Variants in SYT2 observed in about 807,000 individuals in gnomAD.
The protein encoded by SYT2 is synaptotagmin 2.
A neutral mutation model predicts 39.9 loss-of-function variants in SYT2; 15 were observed. The ratio of observed to expected loss-of-function variants is 0.38; its 90% CI spans 0.25 to 0.58. SYT2 has a LOEUF of 0.58. Ranked by LOEUF, SYT2 falls within the 20% of genes least tolerant of loss-of-function variation. The pLI, the probability that SYT2 is intolerant of heterozygous loss-of-function variation, is 0.70. For missense variants in SYT2, 389 were observed against 530.3 expected (o/e 0.73, Z 2.62); for synonymous variants, 181 against 204.5 (o/e 0.89, Z 0.98).
chr1:202,690,940 C>G (rs1290424755), intron 1 of SYT2, among the ~76,000 whole-genome samples: 3 of 152,144 alleles, frequency 2.0e-5, no homozygotes, highest in Admixed American at 6.5e-5. Context: ...CAATGCTTTT[C>G]AGGTCCAGAC....
intron 1 of SYT2, among the ~76,000 whole-genome samples, chr1:202,657,930 G>T (rs1042977548): frequency 3.3e-5 from 5 of 152,108 alleles, no homozygotes; most frequent in African/African-American, 9.7e-5. Context: ...TACTCAATCA[G>T]CAGGAAGTCA....
intron 1 of SYT2, among the ~76,000 whole-genome samples, chr1:202,667,751 C>T (rs904696419): frequency 1.7e-4 from 26 of 151,824 alleles, no homozygotes; most frequent in Non-Finnish European, 2.5e-4. Context: ...CTTGCTCTGT[C>T]GAGCAGGCTG....
chr1:202,606,250 T>C (rs184957591), intron 1 of SYT2, among the ~76,000 whole-genome samples: 1 of 152,304 alleles, frequency 6.6e-6, no homozygotes. Context: ...AGATAGTTTT[T>C]CCAAGGTCAC....
At chr1:202,616,580 A>G (rs933425393) in intron 1 of SYT2, among the ~76,000 whole-genome samples, 2 of 152,082 alleles carry the variant, frequency 1.3e-5, no homozygotes, top group Non-Finnish European at 2.9e-5. Context: ...CAGCCCCTCC[A>G]TTGTGGCTTC....
intron 1 of SYT2, among the ~76,000 whole-genome samples, chr1:202,705,070 T>C (rs1572689889): frequency 6.6e-6 from 1 of 152,358 alleles, no homozygotes; most frequent in South Asian, 2.1e-4. Context: ...ACCTGTATTC[T>C]CGGGCTCCAT....
At chr1:202,659,476 C>T (rs527872183) in intron 1 of SYT2, among the ~76,000 whole-genome samples, 5 of 152,194 alleles carry the variant, frequency 3.3e-5, no homozygotes, top group Admixed American at 6.5e-5. Flanking sequence ...AGAAAGAGAG[C>T]GGCAAAAAGA....
intron 1 of SYT2, among the ~76,000 whole-genome samples, chr1:202,658,624 C>T (rs528878869): frequency 3.3e-5 from 5 of 151,804 alleles, no homozygotes; most frequent in Admixed American, 2.0e-4. Flanking sequence ...GCTGAGCAGC[C>T]TGCACCAATC....
chr1:202,608,433 C>T (rs773701915), intron 1 of SYT2, among the ~76,000 whole-genome samples: 8 of 152,098 alleles, frequency 5.3e-5, no homozygotes, highest in Non-Finnish European at 7.4e-5. Flanking sequence ...CATGCCATCA[C>T]ACCAAGCTAA....
intron 1 of SYT2, among the ~76,000 whole-genome samples, chr1:202,661,835 A>C (rs1692388663): frequency 6.6e-6 from 1 of 152,192 alleles, no homozygotes; most frequent in South Asian, 2.1e-4. Flanking sequence ...AATTTGCTCA[A>C]AGTTGGTCAC....
rs928697133 is a variant in SYT2 at position 202,596,209 on chromosome 1, G to C, written c.*548C>G. 4 of 152,166 alleles carry C rather than the reference G, an allele frequency of 2.6e-5. No individual in the cohort carries two copies. The highest frequency in any genetic ancestry group is 9.7e-5 in the African/African-American group (4 of 41,120). 9.4% of individuals were successfully genotyped at this position (152,166 alleles called of 1,614,324 possible). A position where few individuals can be genotyped will look rare whatever the true frequency, so the allele number is the denominator to read the frequency against. ...CCATGGCTCATTCCAGGAATGAAGA[G>C]AGATGCTCAAAGAGACACACACACA... On this transcript the variant is annotated 3_prime_UTR_variant, in exon 9 of 9. Coordinates refer to ENST00000367268, the MANE Select transcript of SYT2 (RefSeq NM_177402.5).
intron 1 of SYT2, among the ~76,000 whole-genome samples, chr1:202,702,981 C>T (rs982329133): frequency 3.3e-5 from 5 of 152,152 alleles, no homozygotes; most frequent in Non-Finnish European, 7.3e-5. Flanking sequence ...GAGAAGGCCC[C>T]GCTCCAGAAA....
chr1:202,664,807 C>A (rs981799908), intron 1 of SYT2, among the ~76,000 whole-genome samples: 2 of 152,100 alleles, frequency 1.3e-5, no homozygotes, highest in Non-Finnish European at 2.9e-5. Context: ...TTACAGGTGC[C>A]CACCACCATG....
At chr1:202,620,795 G>A (rs1451263015) in intron 1 of SYT2, among the ~76,000 whole-genome samples, 1 of 152,162 alleles carries the variant, frequency 6.6e-6, no homozygotes, top group East Asian at 1.9e-4. Flanking sequence ...AAGGTGGGGT[G>A]AGACGACCTC....
chr1:202,605,140 T>C (rs1440822157), intron 2 of SYT2: 1 of 166,854 alleles, frequency 6.0e-6, no homozygotes, highest in Non-Finnish European at 1.3e-5. Context: ...CTCTCTGTGG[T>C]TCTGAAGCAC....
At chr1:202,691,741 GA>G (rs1653838478) in intron 1 of SYT2, among the ~76,000 whole-genome samples, 2 of 77,730 alleles carry the variant, frequency 2.6e-5, no homozygotes, top group African/African-American at 1.1e-4. Flanking sequence ...GGGAGAGAGA[GA>G]GAGAGAGAGA....
At chr1:202,612,436 T>C (rs1690906450) in intron 1 of SYT2, among the ~76,000 whole-genome samples, 1 of 152,192 alleles carries the variant, frequency 6.6e-6, no homozygotes, top group African/African-American at 2.4e-5. Context: ...GGTGTGAACA[T>C]GGCTCACTGC....
chr1:202,653,266 C>A (rs920781700), intron 1 of SYT2, among the ~76,000 whole-genome samples: 3 of 152,134 alleles, frequency 2.0e-5, no homozygotes, highest in Non-Finnish European at 4.4e-5. Context: ...CATATCCCTG[C>A]ATAGATTCAT....
At chr1:202,690,488 G>A (rs935690787) in intron 1 of SYT2, among the ~76,000 whole-genome samples, 25 of 152,110 alleles carry the variant, frequency 1.6e-4, no homozygotes, top group African/African-American at 5.8e-4. Flanking sequence ...ACAGATACAT[G>A]GATTCTCAGA....
intron 1 of SYT2, among the ~76,000 whole-genome samples, chr1:202,660,666 A>G (rs1404143001): frequency 6.6e-6 from 1 of 152,204 alleles, no homozygotes; most frequent in Non-Finnish European, 1.5e-5. Context: ...ATATTTTTAT[A>G]GAGATGGGGT....
Sources: allele counts gnomAD v4.1 joint callset (sites outside exome capture counted in the v4.1 genomes callset), GRCh38; gene constraint gnomAD v4.1.1; transcripts MANE v1.5; gene names NCBI Gene and HGNC (gene_info 2026-07-23, HGNC 2026-07-21).